The following ADCY10 variants were observed in gnomAD, a reference collection of about 807,000 sequenced individuals.
ADCY10 encodes adenylate cyclase 10.
In ADCY10, 156 loss-of-function variants were observed where a neutral mutation model predicts 183.3. The ratio of observed to expected loss-of-function variants is 0.85; its 90% CI spans 0.75 to 0.97. ADCY10 has a LOEUF of 0.97. ADCY10 is among the 50% of genes least tolerant of loss of function. The probability of loss-of-function intolerance (pLI) is 0.00; values close to 1 mark genes in which losing one functional copy is unlikely to be tolerated. For synonymous variants in ADCY10, 645 were observed against 670.0 expected (o/e 0.96, Z 0.58); for missense variants, 1,745 against 1,934.3 (o/e 0.90, Z 1.84).
chr1:167,816,888 T>C (rs1176750917), intron 31 of ADCY10, among the ~76,000 whole-genome samples: 1 of 151,990 alleles, frequency 6.6e-6, no homozygotes, highest in East Asian at 1.9e-4. Context: ...GAAGAAGGAG[T>C]AAGTGGAGGT....
At chr1:167,892,914 A>G (rs907217223) in intron 8 of ADCY10, among the ~76,000 whole-genome samples, 1 of 152,202 alleles carries the variant, frequency 6.6e-6, no homozygotes, top group Admixed American at 6.5e-5. Context: ...AACCTCAGGA[A>G]AGGCTGTAGT....
chr1:167,901,929 C>A, intron 4 of ADCY10, 87 bp downstream of exon 4: 1 of 1,606,252 alleles, frequency 6.2e-7, no homozygotes, highest in South Asian at 1.1e-5. Context: ...ACTCCCTTCT[C>A]TAGGATGCCT....
At chr1:167,909,418 T>C (rs1162926111) in intron 1 of ADCY10, among the ~76,000 whole-genome samples, 2 of 152,208 alleles carry the variant, frequency 1.3e-5, no homozygotes, top group Non-Finnish European at 2.9e-5. Flanking sequence ...TGCTGGGTCA[T>C]AGGGTATACA....
At chr1:167,871,736 G>A (rs1470649388) in intron 13 of ADCY10, among the ~76,000 whole-genome samples, 2 of 152,224 alleles carry the variant, frequency 1.3e-5, no homozygotes, top group African/African-American at 4.8e-5. Context: ...ATAAAAAGAA[G>A]CTAAGTGCTT....
At chr1:167,866,282 C>T (rs1223286954) in intron 14 of ADCY10, among the ~76,000 whole-genome samples, 5 of 152,096 alleles carry the variant, frequency 3.3e-5, no homozygotes, top group Non-Finnish European at 7.4e-5. Flanking sequence ...ATAGGTCTTT[C>T]GACTCTCACG....
In ADCY10 at chr1:167,846,235, C is replaced by T. The variant is rs145191438; in HGVS notation, c.2466G>A (p.Met822Ile). 1.3e-5 allele frequency: 21 copies of T among 1,614,072 alleles called. No individual in the cohort carries two copies. The highest frequency in any genetic ancestry group is 4.0e-5 in the African/African-American group (3 of 74,934). Residue 822 changes from methionine to isoleucine, a missense_variant, in exon 20 of 33, where the codon ATG (methionine) becomes ATA (isoleucine). Met to Ile is a conservative substitution (Grantham distance 10). Transcript: ENST00000367851. ...KEISLIQLDS[M>I]RLSHQMLVRC... ...TCACCAGCATTTGGTGGGAAAGTCT[C>T]ATGCTATCCAGCTGGATCAGAGAGA...
intron 8 of ADCY10, among the ~76,000 whole-genome samples, chr1:167,891,393 A>G (rs1423475935): frequency 1.3e-5 from 2 of 151,904 alleles, no homozygotes; most frequent in Non-Finnish European, 2.9e-5. Context: ...GCAGTGGCTC[A>G]CATCTGTAAT....
chr1:167,825,903 G>C (rs768221138), intron 26 of ADCY10, among the ~76,000 whole-genome samples: 1 of 152,194 alleles, frequency 6.6e-6, no homozygotes, highest in Non-Finnish European at 1.5e-5. Flanking sequence ...GAATAGTGAG[G>C]AGAAAAGGGT....
At chr1:167,816,150 C>G (rs1378592982) in intron 31 of ADCY10, among the ~76,000 whole-genome samples, 1 of 151,988 alleles carries the variant, frequency 6.6e-6, no homozygotes, top group African/African-American at 2.4e-5. Flanking sequence ...AGGTCAAACA[C>G]CAAACCACAG....
In ADCY10 at chr1:167,893,923, C is replaced by T. The variant is rs145461869; in HGVS notation, c.758G>A (p.Cys253Tyr). 2.1e-4 allele frequency: 334 copies of T among 1,613,266 alleles called. No homozygotes were observed. Among genetic ancestry groups the T allele is most frequent in the Non-Finnish European group, 2.7e-4 (313 of 1,179,564 alleles). Residue 253 changes from cysteine to tyrosine, a missense_variant, in exon 8 of 33, where the codon TGC becomes TAC. By Grantham distance (194) the Cys-to-Tyr change is radical (BLOSUM62 -2). Coordinates refer to ENST00000367851, the MANE Select transcript of ADCY10 (RefSeq NM_018417.6). ...CAGTTCAGGATCAGGCTTCAGCGTG[C>T]ATGCAAGCCTCAGGAGGTCTAAGAA... ...GEHKNLLRLA[C>Y]TLKPDPELEM...
intron 8 of ADCY10, among the ~76,000 whole-genome samples, chr1:167,888,725 A>T (rs1455807246): frequency 1.3e-5 from 2 of 151,880 alleles, no homozygotes; most frequent in Admixed American, 1.3e-4. Context: ...AAACACAAAA[A>T]ATTAGCGGGG....
At chr1:167,912,603 C>A (rs926419249) in intron 1 of ADCY10, among the ~76,000 whole-genome samples, 1 of 152,252 alleles carries the variant, frequency 6.6e-6, no homozygotes, top group African/African-American at 2.4e-5. Context: ...ACGTCCACCC[C>A]ACTGGGGGTT....
chr1:167,815,555 C>T (rs1662482819), intron 31 of ADCY10, among the ~76,000 whole-genome samples: 1 of 152,168 alleles, frequency 6.6e-6, no homozygotes, highest in Non-Finnish European at 1.5e-5. Context: ...AATGCTTTCC[C>T]TCTCCTCACA....
intron 26 of ADCY10, 75 bp from the exon 27 acceptor site, chr1:167,824,930 C>A (rs1663173294): frequency 7.3e-7 from 1 of 1,367,408 alleles, no homozygotes; most frequent in Non-Finnish European, 1.0e-6. Flanking sequence ...CAATGTCTGC[C>A]AGTAAATGTT....
At chr1:167,876,608 T>G (rs1241951748) in intron 12 of ADCY10, among the ~76,000 whole-genome samples, 1 of 152,214 alleles carries the variant, frequency 6.6e-6, no homozygotes, top group Non-Finnish European at 1.5e-5. Flanking sequence ...CTGTTCATAC[T>G]GTGTGTGTAT....
chr1:167,820,227 G>C, intron 30 of ADCY10: 7 of 1,542,136 alleles, frequency 4.5e-6, no homozygotes, highest in South Asian at 1.2e-5. Flanking sequence ...CGTTCCACAG[G>C]GCCCACTGGG....
chr1:167,868,721 C>T (rs548367966), intron 14 of ADCY10, among the ~76,000 whole-genome samples: 28 of 152,272 alleles, frequency 1.8e-4, no homozygotes, highest in African/African-American at 6.3e-4. Context: ...CTATGCTTTC[C>T]GCGAAAAGCG....
intron 12 of ADCY10, 91 bp downstream of exon 12, chr1:167,878,355 G>T: frequency 2.1e-6 from 3 of 1,433,484 alleles, no homozygotes; most frequent in Non-Finnish European, 2.9e-6. Context: ...TTTTGAACTG[G>T]CTCCAAATCT....
intron 21 of ADCY10, among the ~76,000 whole-genome samples, chr1:167,841,398 A>C (rs1571272096): frequency 6.6e-6 from 1 of 151,562 alleles, no homozygotes; most frequent in East Asian, 1.9e-4. Flanking sequence ...CTTTACATGA[A>C]TCTTGCTTTG....
Sources: allele counts gnomAD v4.1 joint callset (sites outside exome capture counted in the v4.1 genomes callset), GRCh38; gene constraint gnomAD v4.1.1; transcripts MANE v1.5; gene names NCBI Gene and HGNC (gene_info 2026-07-23, HGNC 2026-07-21).